The following UNC79 variants were observed in gnomAD, a reference collection of about 807,000 sequenced individuals.
UNC79 encodes the protein protein unc-79 homolog.
Under a neutral mutation model 283.1 loss-of-function variants are expected in UNC79, and 37 were observed. The observed-to-expected ratio is 0.13, with a 90% CI of 0.10 to 0.17. The LOEUF is 0.17. Among genes scored for constraint, UNC79 ranks in the 10% least tolerant of loss-of-function variants. The pLI is 1.00. For missense variants in UNC79, 2,272 were observed against 3,211.1 expected, an observed-to-expected ratio of 0.71 and a Z score of 7.07; for synonymous variants, 1,107 against 1,200.2, an observed-to-expected ratio of 0.92 and a Z score of 1.61.
At chr14:93,645,332 A>G (rs1177878485) in intron 34 of UNC79, among the ~76,000 whole-genome samples, 2 of 152,230 alleles carry the variant, frequency 1.3e-5, no homozygotes, top group African/African-American at 4.8e-5. Context: ...ATACATTTTT[A>G]CATATTTACA....
chr14:93,471,744 T>A (rs1479359441), intron 2 of UNC79, among the ~76,000 whole-genome samples: 1 of 151,920 alleles, frequency 6.6e-6, no homozygotes, highest in African/African-American at 2.4e-5. Context: ...TTTTCAGCCA[T>A]TTTTTTTCTC....
intron 35 of UNC79, among the ~76,000 whole-genome samples, chr14:93,649,279 C>T (rs148179060): frequency 8.6e-4 from 131 of 152,124 alleles, no homozygotes; most frequent in African/African-American, 2.3e-3. Flanking sequence ...ATGTTCTATT[C>T]GATGAATGGC....
intron 39 of UNC79, among the ~76,000 whole-genome samples, chr14:93,660,559 A>ATGTG (rs1323219450): frequency 1.2e-5 from 1 of 86,820 alleles, no homozygotes; most frequent in Non-Finnish European, 2.2e-5. Context: ...ATATATATAT[A>ATGTG]TATATGTGTG....
intron 45 of UNC79, 189 bp from the exon 49 acceptor site, chr14:93,691,545 TCTGAGCACACTCCCA>T (rs746272990): frequency 1.6e-6 from 1 of 609,688 alleles, no homozygotes; most frequent in Non-Finnish European, 2.9e-6. Flanking sequence ...TGCTTTGTTC[TCTGAGCACACTCCCA>T]CTGGTGGAGA....
intron 33 of UNC79, among the ~76,000 whole-genome samples, chr14:93,641,522 G>A (rs1431273876): frequency 6.6e-6 from 1 of 152,084 alleles, no homozygotes; most frequent in Non-Finnish European, 1.5e-5. Flanking sequence ...GTATGATGGT[G>A]TGTGCCTGTA....
chr14:93,553,556 A>G (rs1195298178), intron 14 of UNC79, among the ~76,000 whole-genome samples: 1 of 152,222 alleles, frequency 6.6e-6, no homozygotes, highest in African/African-American at 2.4e-5. Flanking sequence ...TGTGGATGAC[A>G]AGAGTCTTAG....
intron 32 of UNC79, 67 bp downstream of exon 35, chr14:93,637,366 C>A: frequency 6.3e-7 from 1 of 1,593,780 alleles, no homozygotes; most frequent in South Asian, 1.1e-5. Flanking sequence ...ATCATTTGGT[C>A]ACCCAGCAGG....
At chr14:93,470,029 A>C (rs1004601307) in intron 2 of UNC79, among the ~76,000 whole-genome samples, 4 of 152,238 alleles carry the variant, frequency 2.6e-5, no homozygotes, top group Non-Finnish European at 4.4e-5. Context: ...AAAGCATTTA[A>C]TATGATCTTT....
chr14:93,663,920 G>A (rs1435298702), intron 40 of UNC79, among the ~76,000 whole-genome samples: 4 of 144,110 alleles, frequency 2.8e-5, no homozygotes, highest in African/African-American at 5.9e-5. Flanking sequence ...TTTCTATGTT[G>A]TACACTGTAG....
At chr14:93,350,989 C>G (rs1021649015) in intron 1 of UNC79, among the ~76,000 whole-genome samples, 3 of 152,214 alleles carry the variant, frequency 2.0e-5, no homozygotes, top group African/African-American at 7.2e-5. Flanking sequence ...CATGCTATTA[C>G]TAAGAGTCAT....
upstream of UNC79, among the ~76,000 whole-genome samples, chr14:93,425,979 A>G (rs1018852839): frequency 6.6e-6 from 1 of 152,142 alleles, no homozygotes; most frequent in Non-Finnish European, 1.5e-5. Context: ...AAGAACTTCC[A>G]TTACTATTTC....
chr14:93,431,633 T>C (rs1308008705), intron 1 of UNC79, among the ~76,000 whole-genome samples: 1 of 152,110 alleles, frequency 6.6e-6, no homozygotes, highest in African/African-American at 2.4e-5. Context: ...ACCACAACCA[T>C]GCGGTGCTTA....
chr14:93,586,933 T>C (rs754614417), intron 22 of UNC79, 25 bp downstream of exon 22: 6 of 1,609,824 alleles, frequency 3.7e-6, no homozygotes, highest in Non-Finnish European at 5.1e-6. Context: ...TGGTTTGTTT[T>C]GATTGTTTAT....
intron 14 of UNC79, among the ~76,000 whole-genome samples, chr14:93,545,116 A>G (rs2061536521): frequency 1.3e-5 from 2 of 152,238 alleles, no homozygotes; most frequent in African/African-American, 2.4e-5. Context: ...GCAAGACAGA[A>G]GGATCTAGTT....
chr14:93,563,571 G>A (rs183965839), intron 14 of UNC79, among the ~76,000 whole-genome samples: 23 of 152,166 alleles, frequency 1.5e-4, no homozygotes, highest in Non-Finnish European at 2.6e-4. Context: ...TGCAGCGGGG[G>A]CAGAGCAGTA....
chr14:93,532,054 G>A (rs1345590376), intron 10 of UNC79, among the ~76,000 whole-genome samples: 22 of 152,050 alleles, frequency 1.4e-4, no homozygotes, highest in Admixed American at 1.4e-3. Flanking sequence ...GAGGAAACTA[G>A]AAGCCAATAA....
At chr14:93,520,204 T>A (rs994884762) in intron 7 of UNC79, among the ~76,000 whole-genome samples, 15 of 151,972 alleles carry the variant, frequency 9.9e-5, no homozygotes, top group African/African-American at 3.6e-4. Context: ...TTTTTTTCTT[T>A]CAGCCTATTA....
At chr14:93,518,698 A>G (rs1004363222) in intron 7 of UNC79, among the ~76,000 whole-genome samples, 1 of 151,766 alleles carries the variant, frequency 6.6e-6, no homozygotes, top group Non-Finnish European at 1.5e-5. Context: ...CCATTTAATC[A>G]TTGCTTTAGT....
intron 1 of UNC79, among the ~76,000 whole-genome samples, chr14:93,443,875 GGTT>G (rs1306354772): frequency 6.6e-6 from 1 of 152,072 alleles, no homozygotes; most frequent in Non-Finnish European, 1.5e-5. Flanking sequence ...TAGAAATTTG[GGTT>G]GTTTTCAGTT....
Sources: allele counts gnomAD v4.1 joint callset (sites outside exome capture counted in the v4.1 genomes callset), GRCh38; gene constraint gnomAD v4.1.1; transcripts MANE v1.5; gene names NCBI Gene and HGNC (gene_info 2026-07-23, HGNC 2026-07-21).